The following GNL3L variants were observed in gnomAD, a reference collection of about 807,000 sequenced individuals.
GNL3L encodes G protein nucleolar 3 like, also known as guanine nucleotide-binding protein-like 3-like protein.
In GNL3L, 4 loss-of-function variants were observed where a neutral mutation model predicts 42.9. The observed-to-expected ratio is 0.09, with a 90% CI of 0.05 to 0.21. The LOEUF (loss-of-function observed/expected upper bound fraction) is 0.21. Among genes scored for constraint, GNL3L ranks in the 10% least tolerant of loss-of-function variants. The pLI is 1.00. For missense variants in GNL3L, 412 were observed against 481.7 expected, an observed-to-expected ratio of 0.86 and a Z score of 1.36; for synonymous variants, 159 against 176.3, an observed-to-expected ratio of 0.90 and a Z score of 0.78.
At position 54,565,629 on chromosome X, in the gene GNL3L, C is replaced by T. The variant is rs990312789; in HGVS notation, c.*5027C>T. Among the ~76,000 whole-genome samples, 1 of 110,326 alleles carries T rather than the reference C, an allele frequency of 9.1e-6. No homozygotes were observed. Among genetic ancestry groups the T allele is most frequent in the African/African-American group, 3.3e-5 (1 of 30,372 alleles). On this transcript the variant is annotated 3_prime_UTR_variant, in exon 16 of 16. Transcript: ENST00000360845. ...GGATTACAGGTGTGAGCCACCATGC[C>T]CAGCCAGGTTTTTTGACATTAAGTA... is the stretch of plus-strand genomic sequence containing the variant.
At chrX:54,622,188 G>T (rs780074513), downstream of GNL3L, among the ~76,000 whole-genome samples, 3 of 95,128 alleles carry the variant, frequency 3.2e-5, no homozygotes, top group East Asian at 7.0e-4. Flanking sequence ...CTTGCTTATT[G>T]TTTATTTGTA....
At chrX:54,612,637 T>G (rs1267862488) in intron 16 of GNL3L, among the ~76,000 whole-genome samples, 1 of 111,844 alleles carries the variant, frequency 8.9e-6, no homozygotes, top group Non-Finnish European at 1.9e-5. Flanking sequence ...TGGTGAATTC[T>G]CTCAGCATTT....
chrX:54,590,506 T>C (rs1925855248), intron 16 of GNL3L, among the ~76,000 whole-genome samples: 1 of 111,989 alleles, frequency 8.9e-6, no homozygotes, highest in Non-Finnish European at 1.9e-5. Context: ...GAACTCTTTA[T>C]ATATTGTGAT....
chrX:54,560,449 A>T, intron 15 of GNL3L, 71 bp from the exon 16 acceptor site: 1 of 642,650 alleles, frequency 1.6e-6, no homozygotes, highest in Non-Finnish European at 2.6e-6. Context: ...AGGTAGATGT[A>T]GGCCAGCGTC....
chrX:54,592,339 G>A (rs1282983864), intron 16 of GNL3L, among the ~76,000 whole-genome samples: 1 of 111,665 alleles, frequency 9.0e-6, no homozygotes, highest in African/African-American at 3.3e-5. Flanking sequence ...AAGACTTCCA[G>A]TATTATGTTG....
intron 16 of GNL3L, among the ~76,000 whole-genome samples, chrX:54,606,650 T>C (rs1239468641): frequency 2.8e-5 from 3 of 106,563 alleles, no homozygotes; most frequent in Middle Eastern, 4.4e-3. Context: ...CAATTTTTTT[T>C]TTTTTTTTGA....
At chrX:54,590,600 C>T (rs1219308385) in intron 16 of GNL3L, among the ~76,000 whole-genome samples, 1 of 110,583 alleles carries the variant, frequency 9.0e-6, no homozygotes, top group Non-Finnish European at 1.9e-5. Context: ...TGATCATTTC[C>T]CTTGCTGTAC....
chrX:54,637,412 C>T, the GNL3L span, among the ~76,000 whole-genome samples: 2 of 111,960 alleles, frequency 1.8e-5, no homozygotes, highest in African/African-American at 6.5e-5. Context: ...TGTGTATACA[C>T]ACATATATAT....
chrX:54,643,686 C>T, the GNL3L span, among the ~76,000 whole-genome samples: 1 of 110,990 alleles, frequency 9.0e-6, no homozygotes, highest in Non-Finnish European at 1.9e-5. Context: ...ACTATAGTCA[C>T]CCTATGGTGC....
Position 54,564,402 on chromosome X carries a change from C to CTTTTTTTTTTTTTTTTTTT in GNL3L, c.*3802_*3820dup, listed in dbSNP as rs567172499. Among the ~76,000 whole-genome samples, 1 of 80,795 alleles carries CTTTTTTTTTTTTTTTTTTT rather than the reference C, an allele frequency of 1.2e-5. No homozygotes were observed. The allele number at this position is 80,795 out of a possible 115,157, so 70.2% of individuals were successfully genotyped here. ...AGTCACTGGTTTTTTTCTTCGTTCT[C>CTTTTTTTTTTTTTTTTTTT]TTTTTTTTTTTTTTTTTTTTGAGAC... On this transcript the variant is annotated 3_prime_UTR_variant, in exon 16 of 16. Coordinates refer to ENST00000360845, the MANE Select transcript of GNL3L (RefSeq NM_001184819.2).
downstream of GNL3L, among the ~76,000 whole-genome samples, chrX:54,568,368 T>C (rs1216237033): frequency 9.0e-6 from 1 of 111,372 alleles, no homozygotes; most frequent in Non-Finnish European, 1.9e-5. Context: ...TCTATCATCT[T>C]ACACTTCTAG....
chrX:54,608,539 C>T (rs6521778), intron 16 of GNL3L, among the ~76,000 whole-genome samples: 25,800 of 106,471 alleles, frequency 0.24, 3,321 homozygotes, highest in African/African-American at 0.46. Flanking sequence ...CAAAGTCCAT[C>T]GTATCATTCT....
At chrX:54,581,046 G>C (rs1400776072) in intron 16 of GNL3L, among the ~76,000 whole-genome samples, 2 of 111,795 alleles carry the variant, frequency 1.8e-5, no homozygotes, top group East Asian at 5.6e-4. Context: ...CTCCCACAGT[G>C]CTGGGATTAC....
chrX:54,571,931 CTTTGGATTT>C (rs1187526897), downstream of GNL3L, among the ~76,000 whole-genome samples: 1 of 107,537 alleles, frequency 9.3e-6, no homozygotes, highest in East Asian at 2.9e-4. Context: ...CATTGATGTT[CTTTGGATTT>C]TTTGGATTTT....
At position 54,558,605 on chromosome X, in the gene GNL3L, A is replaced by G; in HGVS notation, c.1616A>G (p.Gln539Arg). 3 of 1,210,317 alleles carry G rather than the reference A, an allele frequency of 2.5e-6. No homozygotes were observed. Among genetic ancestry groups the G allele is most frequent in the Non-Finnish European group, 3.4e-6 (3 of 894,364 alleles). ...GAGACGGACCCCCTGCAACAGGGCC[A>G]GGCTCTGGCATCTGCCCTGAAAAAT... Reference protein sequence around the residue: ...IMETDPLQQGQALASALKNKK... With the variant: ...IMETDPLQQGRALASALKNKK... Residue 539 changes from glutamine (Q) to arginine (R), a missense_variant, in exon 15 of 16, where the codon CAG becomes CGG. Gln to Arg is a conservative substitution (Grantham distance 43). Transcript: ENST00000360845.
At chrX:54,597,187 G>A (rs1005248558) in intron 16 of GNL3L, among the ~76,000 whole-genome samples, 2 of 111,413 alleles carry the variant, frequency 1.8e-5, no homozygotes, top group African/African-American at 6.5e-5. Flanking sequence ...TCTCACCCAA[G>A]GCCACTGACA....
At chrX:54,586,804 A>G (rs1925789232) in intron 16 of GNL3L, among the ~76,000 whole-genome samples, 1 of 111,400 alleles carries the variant, frequency 9.0e-6, no homozygotes, top group African/African-American at 3.3e-5. Flanking sequence ...ACCTGAGCAC[A>G]CCATCCAGGA....
rs1926008489 is a variant in GNL3L, at chrX:54,601,875, G to A, written c.*46-18970G>A. 2.7e-5 allele frequency among the ~76,000 whole-genome samples: 3 copies of A among 112,031 alleles called. No homozygotes were observed. The South Asian group carries it at 1.1e-3, about 41-fold the overall frequency. On this transcript the variant is annotated intron_variant, in intron 16 of 16. Coordinates refer to the GNL3L transcript ENST00000674498. ...AGAATAGCTTCGTTTATTCAGTGTA[G>A]TGCCTTTGAGATTCATTGAAGTTGG...
At chrX:54,574,471 C>T (rs758373850) in intron 16 of GNL3L, among the ~76,000 whole-genome samples, 8 of 112,072 alleles carry the variant, frequency 7.1e-5, no homozygotes, top group East Asian at 2.8e-4. Flanking sequence ...CTTACATGTT[C>T]GTGGAGTAAA....
Sources: gnomAD v4.1 joint callset for allele counts (sites outside exome capture counted in the v4.1 genomes callset) on GRCh38, gnomAD v4.1.1 for gene constraint, MANE v1.5 for transcripts, NCBI Gene and HGNC (gene_info 2026-07-23, HGNC 2026-07-21) for gene names.